The following SPAG9 variants were observed in gnomAD, a reference collection of about 807,000 sequenced individuals.
The protein encoded by SPAG9 is sperm associated antigen 9.
Under a neutral mutation model 166.5 loss-of-function variants are expected in SPAG9, and 35 were observed. The observed-to-expected ratio is 0.21, with a 90% CI of 0.16 to 0.28. The LOEUF (loss-of-function observed/expected upper bound fraction) is 0.28, where lower values mean the gene tolerates loss of function less well. Ranked by LOEUF, SPAG9 falls within the 10% of genes least tolerant of loss-of-function variation. The pLI, the probability that SPAG9 is intolerant of heterozygous loss-of-function variation, is 1.00. For synonymous variants in SPAG9, 534 were observed against 565.5 expected (o/e 0.94, Z 0.79); for missense variants, 1,235 against 1,603.3 (o/e 0.77, Z 3.92).
chr17:51,077,029 T>TCTATCTAGCTAGCTAGCTATCTAGCTAG (rs1598137907), intron 2 of SPAG9, among the ~76,000 whole-genome samples: 38 of 65,340 alleles, frequency 5.8e-4, no homozygotes, highest in East Asian at 4.7e-3. Flanking sequence ...TATCTAGCTA[T>TCTATCTAGCTAGCTAGCTATCTAGCTAG]CTATCTAGCT....
chr17:51,026,320 GAAAAAAAAAAA>G (rs55851511), intron 6 of SPAG9, among the ~76,000 whole-genome samples: 2 of 89,370 alleles, frequency 2.2e-5, no homozygotes, highest in South Asian at 4.5e-4. Flanking sequence ...GGTGAAAAGA[GAAAAAAAAAAA>G]AAAAAAAAAA....
In SPAG9 at chr17:50,993,796, T is replaced by C. The variant is rs143080873; in HGVS notation, c.2366A>G (p.Asn789Ser). ...GNILDSFTVC[N>S]SHVLCIASVP... ...ACTTGCAATGCACAGAACATGAGAG[T>C]TGCAAACAGTGAAACTGTCTAGGAT... The change falls in exon 19 of 30, where the codon AAC becomes AGC. Residue 789 changes from asparagine (N) to serine (S), a missense_variant. Physicochemically the swap from Asn to Ser is conservative, Grantham distance 46. This residue lies in a region of SPAG9 where 493 missense variants were observed against 559.4 expected (regional missense o/e 0.88). Coordinates refer to ENST00000262013, the MANE Select transcript of SPAG9 (RefSeq NM_001130528.3). 1.1e-5 allele frequency: 18 copies of C among 1,613,910 alleles called. No homozygotes were observed. The African/African-American group carries it at 1.9e-4, about 17-fold the overall frequency.
At chr17:51,059,558 C>G (rs1320932527) in intron 2 of SPAG9, among the ~76,000 whole-genome samples, 1 of 151,906 alleles carries the variant, frequency 6.6e-6, no homozygotes, top group African/African-American at 2.4e-5. Flanking sequence ...TCGAGAACAG[C>G]CTGGCCAACA....
chr17:51,036,341 A>C (rs768997556), intron 5 of SPAG9, among the ~76,000 whole-genome samples: 10 of 152,000 alleles, frequency 6.6e-5, no homozygotes, highest in Non-Finnish European at 1.2e-4. Flanking sequence ...TCAAATCTAC[A>C]CCTATAAATT....
intron 5 of SPAG9, among the ~76,000 whole-genome samples, chr17:51,036,944 G>A (rs2046611355): frequency 6.6e-6 from 1 of 152,136 alleles, no homozygotes; most frequent in Non-Finnish European, 1.5e-5. Context: ...GGTAGAGCAA[G>A]TTCTTATACT....
At chr17:51,021,791 T>C (rs1005607232) in intron 6 of SPAG9, among the ~76,000 whole-genome samples, 1 of 151,630 alleles carries the variant, frequency 6.6e-6, no homozygotes, top group Non-Finnish European at 1.5e-5. Flanking sequence ...CTTTGTAAAG[T>C]GTGGTATTAA....
intron 1 of SPAG9, among the ~76,000 whole-genome samples, chr17:51,092,346 G>A (rs981979488): frequency 8.9e-5 from 1 of 11,194 alleles, no homozygotes; most frequent in African/African-American, 4.4e-4. Context: ...AAGAAAAAAA[G>A]AACCATTATA....
At chr17:51,022,250 G>A (rs545321119) in intron 6 of SPAG9, among the ~76,000 whole-genome samples, 1 of 151,832 alleles carries the variant, frequency 6.6e-6, no homozygotes, top group African/African-American at 2.4e-5. Flanking sequence ...AAAGAGAAAA[G>A]AGTAGGGAGT....
intron 28 of SPAG9, among the ~76,000 whole-genome samples, chr17:50,971,406 AAT>A (rs1393637959): frequency 6.6e-6 from 1 of 151,908 alleles, no homozygotes; most frequent in Non-Finnish European, 1.5e-5. Flanking sequence ...CCCCAAATCC[AAT>A]ATGAGATATA....
intron 1 of SPAG9, among the ~76,000 whole-genome samples, chr17:51,117,488 G>C (rs1435364741): frequency 1.3e-5 from 2 of 152,008 alleles, no homozygotes; most frequent in African/African-American, 4.8e-5. Flanking sequence ...GAGGCGGGCA[G>C]ATCACGAGGT....
At chr17:51,049,911 T>C (rs1295494676) in intron 3 of SPAG9, among the ~76,000 whole-genome samples, 1 of 152,206 alleles carries the variant, frequency 6.6e-6, no homozygotes, top group African/African-American at 2.4e-5. Flanking sequence ...AATTCTTATA[T>C]ACACTGGATA....
chr17:50,994,773 G>A (rs1975928292), intron 18 of SPAG9, among the ~76,000 whole-genome samples: 1 of 152,092 alleles, frequency 6.6e-6, no homozygotes, highest in Admixed American at 6.6e-5. Context: ...AAACTAACAG[G>A]TAAAGCAGAA....
intron 25 of SPAG9, among the ~76,000 whole-genome samples, chr17:50,980,141 A>G (rs1195691901): frequency 6.6e-6 from 1 of 152,210 alleles, no homozygotes; most frequent in Non-Finnish European, 1.5e-5. Context: ...ATATCACCTT[A>G]TAACAGCAAT....
chr17:50,984,458 G>A (rs1000712009), intron 24 of SPAG9, among the ~76,000 whole-genome samples: 1 of 152,180 alleles, frequency 6.6e-6, no homozygotes, highest in Non-Finnish European at 1.5e-5. Flanking sequence ...AAGCCAAAGC[G>A]GGCAGATCAC....
At chr17:51,119,268 T>TC (rs2049399510) in intron 1 of SPAG9, among the ~76,000 whole-genome samples, 1 of 152,196 alleles carries the variant, frequency 6.6e-6, no homozygotes, top group Admixed American at 6.6e-5. Context: ...TAAAAACTCT[T>TC]CAAGTCTTTT....
chr17:51,041,574 C>G lies in SPAG9; in HGVS notation c.668G>C (p.Gly223Ala), dbSNP rs758485536. Residue 223 changes from glycine (G) to alanine (A), a missense_variant, in exon 5 of 30, where the codon GGA becomes GCA. Transcript: ENST00000262013. ...TTGCTCAGATCCAGGGGTCTCTCCT[C>G]CTTTCTGAGCATCAGGTGTAAGCAA... is the stretch of plus-strand genomic sequence containing the variant. ...DGLLTPDAQKGGETPGSEQWK... is the reference protein window; with the variant it reads ...DGLLTPDAQKAGETPGSEQWK... 5.6e-6 allele frequency: 9 copies of G among 1,613,866 alleles called. No individual in the cohort carries two copies. The highest frequency in any genetic ancestry group is 6.8e-6 in the Non-Finnish European group (8 of 1,179,792).
intron 1 of SPAG9, among the ~76,000 whole-genome samples, chr17:51,089,541 T>C (rs939344885): frequency 6.9e-5 from 10 of 145,850 alleles, no homozygotes; most frequent in South Asian, 2.1e-4. Flanking sequence ...CCAAAAAATA[T>C]TGAAATAAAA....
chr17:50,979,569 T>C (rs1212877492), intron 26 of SPAG9, among the ~76,000 whole-genome samples, 177 bp downstream of exon 26: 1 of 151,948 alleles, frequency 6.6e-6, no homozygotes, highest in African/African-American at 2.4e-5. Context: ...GAGGCTGAGG[T>C]GAGAGGATCG....
chr17:51,053,898 T>TATATATAA (rs1186528753), intron 3 of SPAG9, among the ~76,000 whole-genome samples: 65 of 100,134 alleles, frequency 6.5e-4, no homozygotes, highest in East Asian at 1.3e-3. Context: ...TATATATATA[T>TATATATAA]AAAACATATA....
Sources: allele counts gnomAD v4.1 joint callset (sites outside exome capture counted in the v4.1 genomes callset), GRCh38; gene constraint gnomAD v4.1.1; regional missense constraint gnomAD v4.1.1; transcripts MANE v1.5; gene names NCBI Gene and HGNC (gene_info 2026-07-23, HGNC 2026-07-21).